SBF2: variants seen among roughly 807,000 people sequenced by gnomAD.
SBF2 encodes the protein SET binding factor 2, also known as myotubularin-related protein 13.
SBF2 carries 112 observed loss-of-function variants against 225.2 expected under a neutral mutation model. The observed-to-expected ratio is 0.50, with a 90% CI of 0.43 to 0.58. SBF2 has a LOEUF of 0.58. Among genes scored for constraint, SBF2 ranks in the 20% least tolerant of loss-of-function variants. The pLI is 0.00. For synonymous variants in SBF2, 763 were observed against 773.3 expected (o/e 0.99, Z 0.22); for missense variants, 1,996 against 2,206.2 (o/e 0.90, Z 1.91).
At chr11:9,878,996 T>C (rs1046420472) in intron 17 of SBF2, among the ~76,000 whole-genome samples, 4 of 152,210 alleles carry the variant, frequency 2.6e-5, no homozygotes, top group African/African-American at 9.6e-5. Flanking sequence ...ACTGCAAAGC[T>C]GCAGAAATTA....
At chr11:10,079,945 G>A (rs1951291872) in intron 2 of SBF2, among the ~76,000 whole-genome samples, 1 of 151,630 alleles carries the variant, frequency 6.6e-6, no homozygotes, top group African/African-American at 2.4e-5. Context: ...TTTTCAAAGT[G>A]CTTAAAGAAA....
intron 1 of SBF2, among the ~76,000 whole-genome samples, chr11:10,203,132 G>C (rs551824541): frequency 6.6e-6 from 1 of 152,234 alleles, no homozygotes; most frequent in Admixed American, 6.5e-5. Context: ...TGAAGCAATT[G>C]AGGTGGGAAT....
chr11:10,187,634 T>C (rs1956986652), intron 2 of SBF2, among the ~76,000 whole-genome samples: 2 of 152,066 alleles, frequency 1.3e-5, no homozygotes, highest in African/African-American at 4.8e-5. Flanking sequence ...CTCTTGTTAA[T>C]TGAACTCTAC....
chr11:10,262,952 G>GA (rs201267813), intron 1 of SBF2, among the ~76,000 whole-genome samples: 7,629 of 149,120 alleles, frequency 0.051, 293 homozygotes, highest in Middle Eastern at 0.14. Context: ...CATATAAGAC[G>GA]AAAAAAAAAC....
At chr11:9,999,848 T>C (rs1215638614) in intron 8 of SBF2, among the ~76,000 whole-genome samples, 2 of 152,248 alleles carry the variant, frequency 1.3e-5, no homozygotes. Context: ...AATAATATTT[T>C]GTTAGTTTAA....
intron 16 of SBF2, among the ~76,000 whole-genome samples, chr11:9,934,028 G>C (rs1864698269): frequency 6.6e-6 from 1 of 152,090 alleles, no homozygotes; most frequent in Admixed American, 6.5e-5. Context: ...CTTGCAGTGA[G>C]CTGAGATTGT....
intron 1 of SBF2, among the ~76,000 whole-genome samples, chr11:10,253,945 C>G (rs1422791385): frequency 6.6e-6 from 1 of 152,032 alleles, no homozygotes; most frequent in African/African-American, 2.4e-5. Context: ...GAAATATTAC[C>G]TCACATCTGT....
At chr11:9,803,220 GAA>G (rs5789619) in intron 32 of SBF2, among the ~76,000 whole-genome samples, 19 of 150,432 alleles carry the variant, frequency 1.3e-4, no homozygotes, top group East Asian at 5.9e-4. Flanking sequence ...CTCTTTACTT[GAA>G]AAAAAAAACA....
chr11:9,859,919 A>G (rs1490658897), intron 17 of SBF2, among the ~76,000 whole-genome samples: 2 of 152,240 alleles, frequency 1.3e-5, no homozygotes, highest in Non-Finnish European at 2.9e-5. Flanking sequence ...GTAACTGGCT[A>G]TAACCTCAAT....
intron 13 of SBF2, among the ~76,000 whole-genome samples, chr11:9,976,072 CT>C (rs773334975): frequency 1.0e-3 from 134 of 128,260 alleles, no homozygotes; most frequent in Middle Eastern, 3.9e-3. Flanking sequence ...TCTTCTTCTT[CT>C]TTTTTTTTTT....
At chr11:10,253,059 T>C (rs1430960544) in intron 1 of SBF2, among the ~76,000 whole-genome samples, 1 of 139,970 alleles carries the variant, frequency 7.1e-6, no homozygotes, top group Admixed American at 8.1e-5. Context: ...AGCTTAAGTT[T>C]TAACATGGGA....
chr11:9,882,635 C>T (rs577530539), intron 17 of SBF2, among the ~76,000 whole-genome samples: 32 of 151,874 alleles, frequency 2.1e-4, no homozygotes, highest in East Asian at 7.8e-4. Context: ...GGTGAAACCC[C>T]GTCTCTACTA....
At chr11:10,001,641 T>C (rs562834246) in intron 7 of SBF2, among the ~76,000 whole-genome samples, 3 of 152,152 alleles carry the variant, frequency 2.0e-5, no homozygotes, top group Admixed American at 6.5e-5. Context: ...TCTCCTGCCT[T>C]AGCCTCCCCA....
intron 1 of SBF2, among the ~76,000 whole-genome samples, chr11:10,217,251 T>C (rs1383163418): frequency 2.0e-5 from 3 of 152,322 alleles, no homozygotes; most frequent in East Asian, 1.9e-4. Flanking sequence ...GTCCAATATA[T>C]TCATTGCTCA....
At chr11:10,013,451 G>C (rs1221659582) in intron 6 of SBF2, among the ~76,000 whole-genome samples, 1 of 152,178 alleles carries the variant, frequency 6.6e-6, no homozygotes, top group Non-Finnish European at 1.5e-5. Flanking sequence ...CAAAGTTCTA[G>C]CATGAATAAA....
intron 1 of SBF2, among the ~76,000 whole-genome samples, chr11:10,277,673 A>T (rs1299300217): frequency 6.6e-6 from 1 of 152,188 alleles, no homozygotes; most frequent in Non-Finnish European, 1.5e-5. Context: ...GGTGAGCCCT[A>T]AATCCAATGA....
At chr11:10,232,012 C>T (rs1006296657) in intron 1 of SBF2, among the ~76,000 whole-genome samples, 3 of 152,216 alleles carry the variant, frequency 2.0e-5, no homozygotes, top group Admixed American at 6.5e-5. Context: ...CAATGGCGGA[C>T]GCCCCTCCCC....
intron 16 of SBF2, among the ~76,000 whole-genome samples, chr11:9,910,358 A>G (rs192943013): frequency 5.9e-5 from 9 of 152,336 alleles, no homozygotes; most frequent in Non-Finnish European, 1.3e-4. Context: ...AATATAGCAC[A>G]TACAATTTGT....
intron 17 of SBF2, among the ~76,000 whole-genome samples, chr11:9,885,490 G>A (rs3907923): frequency 0.83 from 126,894 of 151,992 alleles, 53,400 homozygotes; most frequent in African/African-American, 0.87. Context: ...TATACTTCAC[G>A]ATCTTTTCTT....
Sources: allele counts gnomAD v4.1 joint callset (sites outside exome capture counted in the v4.1 genomes callset), GRCh38; gene constraint gnomAD v4.1.1; transcripts MANE v1.5; gene names NCBI Gene and HGNC (gene_info 2026-07-23, HGNC 2026-07-21).